The following CCDC172 variants were observed in gnomAD, a reference collection of about 807,000 sequenced individuals.
The protein encoded by CCDC172 is coiled-coil domain-containing protein 172.
In CCDC172, 30 loss-of-function variants were observed where a neutral mutation model predicts 38.0. The observed-to-expected ratio is 0.79, with a 90% confidence interval of 0.59 to 1.07. The LOEUF is 1.07. Ranked by LOEUF, CCDC172 falls within the 50% of genes least tolerant of loss-of-function variation. The probability of loss-of-function intolerance (pLI) is 0.00; values close to 1 mark genes in which losing one functional copy is unlikely to be tolerated. For missense variants in CCDC172, 297 were observed against 290.1 expected (o/e 1.02, Z -0.17); for synonymous variants, 78 against 88.3 (o/e 0.88, Z 0.66).
At chr10:116,354,375 C>G (rs1844968559) in intron 5 of CCDC172, among the ~76,000 whole-genome samples, 1 of 152,080 alleles carries the variant, frequency 6.6e-6, no homozygotes, top group South Asian at 2.1e-4. Flanking sequence ...AACTGTAAAA[C>G]AGCCTCAGGC....
rs547395153 is a variant in CCDC172 at position 116,340,938 on chromosome 10, C to A, written c.282+88C>A. 167 of 799,634 alleles carry A rather than the reference C, an allele frequency of 2.1e-4. 1 individual carries two copies. In the East Asian group the frequency reaches 4.1e-3, roughly 20 times the overall value. 49.5% of individuals were successfully genotyped at this position (799,634 alleles called of 1,614,324 possible). On this transcript the variant is annotated intron_variant, in intron 4 of 8. Coordinates refer to ENST00000333254, the MANE Select transcript of CCDC172 (RefSeq NM_198515.3). ...CTTAAGTATACTTTTAGAAAATTAT[C>A]CATGTGCATATTAGCAGGTAGTACT...
chr10:116,325,101 T>TTC lies in CCDC172; in HGVS notation c.79+13_79+14dup. On this transcript the variant is annotated intron_variant, in intron 2 of 8. Transcript: ENST00000333254. ...GTTTGATGCGAGAAGGTCGGGGTAT[T>TTC]TCTGTCCTTTGCATGGGGCCTTTTG... 6.2e-7 allele frequency: 1 copy of TTC among 1,613,370 alleles called. No individual in the cohort carries two copies. Among genetic ancestry groups the TTC allele is most frequent in the African/African-American group, 1.3e-5 (1 of 74,992 alleles).
intron 7 of CCDC172, among the ~76,000 whole-genome samples, chr10:116,374,129 C>T (rs1286047067): frequency 6.6e-6 from 1 of 152,152 alleles, no homozygotes; most frequent in East Asian, 1.9e-4. Flanking sequence ...CTAGTCATTT[C>T]GTAGCCATCT....
chr10:116,375,048 C>T (rs903929231), intron 7 of CCDC172, among the ~76,000 whole-genome samples: 1 of 151,994 alleles, frequency 6.6e-6, no homozygotes, highest in Non-Finnish European at 1.5e-5. Context: ...CTTTGTATTT[C>T]CCTGATTCAG....
At chr10:116,332,301 AG>A (rs1443276012) in intron 3 of CCDC172, among the ~76,000 whole-genome samples, 1 of 152,160 alleles carries the variant, frequency 6.6e-6, no homozygotes, top group African/African-American at 2.4e-5. Context: ...TGTTTGGAGT[AG>A]AAAGTAAGTC....
chr10:116,333,009 C>A (rs1699505711), intron 3 of CCDC172, among the ~76,000 whole-genome samples: 1 of 151,996 alleles, frequency 6.6e-6, no homozygotes, highest in South Asian at 2.1e-4. Flanking sequence ...TTAAAAATTT[C>A]AGCTTGTTCT....
intron 7 of CCDC172, among the ~76,000 whole-genome samples, chr10:116,373,554 G>T (rs1350169934): frequency 6.6e-6 from 1 of 152,028 alleles, no homozygotes; most frequent in Non-Finnish European, 1.5e-5. Context: ...GCCCAGACTG[G>T]AGTGCAGTGG....
chr10:116,355,018 A>T (rs1004197547), intron 5 of CCDC172, among the ~76,000 whole-genome samples: 5 of 152,198 alleles, frequency 3.3e-5, no homozygotes, highest in Non-Finnish European at 7.3e-5. Context: ...TAAAAAGTTA[A>T]CTTAAAAAGT....
At chr10:116,343,410 T>C (rs999136840) in intron 5 of CCDC172, among the ~76,000 whole-genome samples, 1 of 152,164 alleles carries the variant, frequency 6.6e-6, no homozygotes, top group Non-Finnish European at 1.5e-5. Context: ...CAGGCAAGTA[T>C]TGGACATTCC....
intron 7 of CCDC172, among the ~76,000 whole-genome samples, chr10:116,366,042 A>G (rs1418578584): frequency 2.6e-5 from 4 of 152,208 alleles, no homozygotes; most frequent in Admixed American, 6.5e-5. Context: ...TAAACGATGT[A>G]TGACTGAATA....
Position 116,357,870 on chromosome 10 carries a change from TACCA to T in CCDC172, c.587_590del (p.Thr196AsnfsTer3), listed in dbSNP as rs1565720298. Reference sequence around the variant, plus strand: ...ATGAAGAGAATGAATCCATTTGTACTACCAAATATCTAGAGGCAGAAAAAATAAA... The same window carrying T: ...ATGAAGAGAATGAATCCATTTGTACTAATATCTAGAGGCAGAAAAAATAAA... On this transcript the variant is annotated frameshift_variant, in exon 7 of 9. Transcript: ENST00000333254. LOFTEE classifies it high-confidence loss of function. 2 of 1,555,596 alleles carry T rather than the reference TACCA, an allele frequency of 1.3e-6. No homozygotes were observed. The highest frequency in any genetic ancestry group is 2.4e-5 in the South Asian group (2 of 84,460).
chr10:116,339,838 A>G (rs1844771959), intron 3 of CCDC172, among the ~76,000 whole-genome samples: 1 of 151,944 alleles, frequency 6.6e-6, no homozygotes, highest in African/African-American at 2.4e-5. Context: ...TGTCTGGGAC[A>G]GAGATTTCAC....
intron 5 of CCDC172, among the ~76,000 whole-genome samples, chr10:116,348,506 G>T (rs1266450110): frequency 6.6e-6 from 1 of 151,872 alleles, no homozygotes; most frequent in Non-Finnish European, 1.5e-5. Context: ...GCTACTCAGT[G>T]TTTTTTTCCC....
chr10:116,345,158 TA>T (rs1163654113), intron 5 of CCDC172, among the ~76,000 whole-genome samples: 2 of 152,186 alleles, frequency 1.3e-5, no homozygotes, highest in Non-Finnish European at 2.9e-5. Flanking sequence ...AAAATAGGCA[TA>T]TAAATAGCTG....
intron 7 of CCDC172, among the ~76,000 whole-genome samples, chr10:116,358,724 A>G (rs1446299752): frequency 6.6e-6 from 1 of 152,174 alleles, no homozygotes; most frequent in Non-Finnish European, 1.5e-5. Flanking sequence ...TTGCAATTTA[A>G]TTTTATGTTA....
intron 5 of CCDC172, among the ~76,000 whole-genome samples, chr10:116,356,994 C>G (rs770535328): frequency 1.3e-4 from 20 of 152,086 alleles, no homozygotes; most frequent in Non-Finnish European, 2.8e-4. Flanking sequence ...TAACCGTATG[C>G]TGCTTAGATT....
intron 5 of CCDC172, among the ~76,000 whole-genome samples, chr10:116,351,760 G>A (rs1463829505): frequency 6.6e-6 from 1 of 152,170 alleles, no homozygotes; most frequent in Non-Finnish European, 1.5e-5. Flanking sequence ...AACAAATGAG[G>A]TAAGCCCTAA....
At chr10:116,326,150 T>C (rs1030552398) in intron 3 of CCDC172, among the ~76,000 whole-genome samples, 2 of 152,192 alleles carry the variant, frequency 1.3e-5, no homozygotes, top group African/African-American at 4.8e-5. Context: ...CACATGCTTG[T>C]AGTTCCAGTT....
At chr10:116,363,770 C>G (rs1037353273) in intron 7 of CCDC172, among the ~76,000 whole-genome samples, 21 of 151,860 alleles carry the variant, frequency 1.4e-4, no homozygotes, top group African/African-American at 5.1e-4. Context: ...AACCCCGCCT[C>G]TACTACAAAT....
Sources: allele counts gnomAD v4.1 joint callset (sites outside exome capture counted in the v4.1 genomes callset), GRCh38; gene constraint gnomAD v4.1.1; transcripts MANE v1.5; gene names NCBI Gene and HGNC (gene_info 2026-07-23, HGNC 2026-07-21).